The following CCDC30 variants were observed in gnomAD, a reference collection of about 807,000 sequenced individuals.
CCDC30 encodes the protein coiled-coil domain containing 30, also known as coiled-coil domain-containing protein 30.
Under a neutral mutation model 100.2 loss-of-function variants are expected in CCDC30, and 70 were observed. That is an observed-to-expected ratio of 0.70 (90% confidence interval 0.58 to 0.85). CCDC30 has a LOEUF of 0.85. CCDC30 is among the 40% of genes least tolerant of loss of function. The probability of loss-of-function intolerance (pLI) is 0.00; values close to 1 mark genes in which losing one functional copy is unlikely to be tolerated. For missense variants in CCDC30, 652 were observed against 771.2 expected (o/e 0.85, Z 1.83); for synonymous variants, 233 against 269.5 (o/e 0.86, Z 1.33).
intron 8 of CCDC30, among the ~76,000 whole-genome samples, chr1:42,580,388 C>T (rs1428835462): frequency 6.6e-6 from 1 of 152,178 alleles, no homozygotes. Context: ...ACGGGTGACA[C>T]CCACTGGCAT....
chr1:42,652,008 T>C (rs184618853), intron 15 of CCDC30, among the ~76,000 whole-genome samples: 10 of 152,164 alleles, frequency 6.6e-5, no homozygotes, highest in Admixed American at 2.0e-4. Flanking sequence ...AAAGTGAAAA[T>C]AGAACTACCA....
chr1:42,586,004 T>C (rs1646061495), intron 9 of CCDC30, among the ~76,000 whole-genome samples: 1 of 152,184 alleles, frequency 6.6e-6, no homozygotes. Context: ...GCAACTGCAA[T>C]GAAGTATGAT....
intron 11 of CCDC30, among the ~76,000 whole-genome samples, chr1:42,628,044 T>C (rs990051933): frequency 9.3e-4 from 142 of 152,048 alleles, no homozygotes; most frequent in African/African-American, 3.4e-3. Flanking sequence ...TGCCAGCCCA[T>C]GAAACAGCCA....
chr1:42,563,030 G>A (rs1361760964), intron 6 of CCDC30, among the ~76,000 whole-genome samples: 3 of 152,210 alleles, frequency 2.0e-5, no homozygotes, highest in Non-Finnish European at 4.4e-5. Context: ...TTCAACCATT[G>A]TGGAAGACAG....
intron 4 of CCDC30, among the ~76,000 whole-genome samples, chr1:42,494,574 C>A (rs1292812109): frequency 2.2e-4 from 33 of 151,992 alleles, no homozygotes; most frequent in Non-Finnish European, 4.1e-4. Context: ...AGGCAACCCA[C>A]AAAATGGGAG....
chr1:42,638,874 C>CTAAA lies in CCDC30; in HGVS notation c.1419+1517_1419+1520dup, dbSNP rs568862531. Among the ~76,000 whole-genome samples the CTAAA allele has an allele frequency of 2.2e-3, 336 of 150,924 alleles. 8 individuals carry two copies. The South Asian group carries it at 0.027, about 12-fold the overall frequency. ...CTGGGGGACAAGAGCAAAACTCCAT[C>CTAAA]TAAATAAATAAATAAATAAATAAAG... On this transcript the variant is annotated intron_variant, in intron 12 of 16. Transcript: ENST00000668663.
intron 5 of CCDC30, 31 bp from the exon 6 acceptor site, chr1:42,498,787 A>C (rs776022990): frequency 5.6e-5 from 59 of 1,061,852 alleles, no homozygotes; most frequent in Non-Finnish European, 6.9e-5. Flanking sequence ...AAAATTGAGA[A>C]GTCTACAAGG....
At chr1:42,633,237 G>A (rs1412231465) in intron 11 of CCDC30, among the ~76,000 whole-genome samples, 1 of 152,178 alleles carries the variant, frequency 6.6e-6, no homozygotes. Context: ...AGTCTGAATG[G>A]GGGCAGGTAA....
At chr1:42,621,731 G>A (rs990698462) in intron 11 of CCDC30, among the ~76,000 whole-genome samples, 3 of 151,898 alleles carry the variant, frequency 2.0e-5, no homozygotes, top group African/African-American at 7.2e-5. Flanking sequence ...CAGGATGGTC[G>A]CGATCTCCTG....
At chr1:42,473,180 T>G (rs1643824469) in intron 1 of CCDC30, 5 of 1,231,064 alleles carry the variant, frequency 4.1e-6, no homozygotes, top group Non-Finnish European at 5.1e-6. Flanking sequence ...ATCAATCCCC[T>G]TGCTACTACA....
At chr1:42,459,944 G>A (rs1456449610), upstream of CCDC30, 1 of 1,572,694 alleles carries the variant, frequency 6.4e-7, no homozygotes, top group Non-Finnish European at 8.6e-7. Context: ...AGCCCTTATA[G>A]GATCAAAAAT....
intron 15 of CCDC30, among the ~76,000 whole-genome samples, chr1:42,650,339 A>G (rs555236033): frequency 2.0e-4 from 30 of 151,994 alleles, no homozygotes; most frequent in African/African-American, 7.0e-4. Context: ...TCTCTACAAA[A>G]AAGTAAAAAA....
chr1:42,652,405 T>A (rs1648428403), intron 15 of CCDC30, among the ~76,000 whole-genome samples: 1 of 152,222 alleles, frequency 6.6e-6, no homozygotes, highest in Non-Finnish European at 1.5e-5. Context: ...ATATGTTAAT[T>A]ACCTCAATTC....
At chr1:42,480,588 A>G in intron 2 of CCDC30, 22 bp downstream of exon 2, 1 of 985,076 alleles carries the variant, frequency 1.0e-6, no homozygotes, top group Non-Finnish European at 1.2e-6. Flanking sequence ...CACCCAGGCA[A>G]AATGACATTT....
At chr1:42,549,201 C>A (rs1204159732) in intron 6 of CCDC30, among the ~76,000 whole-genome samples, 4 of 152,104 alleles carry the variant, frequency 2.6e-5, no homozygotes, top group Non-Finnish European at 4.4e-5. Context: ...AGAAGCTCCA[C>A]TTTTATGTTT....
At chr1:42,580,507 CAATA>C (rs963593920) in intron 8 of CCDC30, among the ~76,000 whole-genome samples, 57 of 152,174 alleles carry the variant, frequency 3.7e-4, no homozygotes, top group African/African-American at 1.3e-3. Context: ...TCTATTCATT[CAATA>C]AATATTTATT....
At chr1:42,641,057 A>G (rs965809566) in intron 12 of CCDC30, among the ~76,000 whole-genome samples, 24 of 151,668 alleles carry the variant, frequency 1.6e-4, no homozygotes, top group African/African-American at 5.8e-4. Flanking sequence ...GGAGTTTGAG[A>G]CCAGCCTGAG....
chr1:42,603,092 T>C (rs2148628178), intron 10 of CCDC30, among the ~76,000 whole-genome samples: 1 of 152,326 alleles, frequency 6.6e-6, no homozygotes, highest in Non-Finnish European at 1.5e-5. Context: ...TTAGGCTGGG[T>C]AATTTATAAA....
intron 1 of CCDC30, among the ~76,000 whole-genome samples, chr1:42,474,051 A>G (rs1557790625): frequency 6.6e-6 from 1 of 152,134 alleles, no homozygotes; most frequent in Non-Finnish European, 1.5e-5. Flanking sequence ...CTAATGAATT[A>G]TCTCAGGTTG....
Sources: gnomAD v4.1 joint callset for allele counts (sites outside exome capture counted in the v4.1 genomes callset) on GRCh38, gnomAD v4.1.1 for gene constraint, MANE v1.5 for transcripts, NCBI Gene and HGNC (gene_info 2026-07-23, HGNC 2026-07-21) for gene names.